The following PIGB variants were observed in gnomAD, a reference collection of about 807,000 sequenced individuals.
PIGB encodes GPI alpha-1,2-mannosyltransferase 3.
A neutral mutation model predicts 68.4 loss-of-function variants in PIGB; 58 were observed. The observed-to-expected ratio is 0.85, with a 90% confidence interval of 0.69 to 1.06. The LOEUF (loss-of-function observed/expected upper bound fraction) is 1.06, where lower values mean the gene tolerates loss of function less well. PIGB is among the 50% of genes least tolerant of loss of function. The probability of loss-of-function intolerance (pLI) is 0.00; values close to 1 mark genes in which losing one functional copy is unlikely to be tolerated. For synonymous variants in PIGB, 219 were observed against 220.5 expected (o/e 0.99, Z 0.06); for missense variants, 634 against 655.8 (o/e 0.97, Z 0.36).
At chr15:55,323,270 C>T (rs2055207188) in intron 3 of PIGB, among the ~76,000 whole-genome samples, 1 of 152,134 alleles carries the variant, frequency 6.6e-6, no homozygotes, top group South Asian at 2.1e-4. Flanking sequence ...AGCTAAATCC[C>T]AGGTCTATTT....
At chr15:55,322,924 C>T (rs2055199373) in intron 3 of PIGB, among the ~76,000 whole-genome samples, 1 of 152,098 alleles carries the variant, frequency 6.6e-6, no homozygotes, top group African/African-American at 2.4e-5. Context: ...CAGTTTATAT[C>T]CCAGGAAGTA....
At chr15:55,327,275 CAT>C (rs952298723) in intron 3 of PIGB, among the ~76,000 whole-genome samples, 5 of 147,184 alleles carry the variant, frequency 3.4e-5, no homozygotes, top group East Asian at 2.0e-4. Context: ...GTATATATGT[CAT>C]ATATACACAC....
At chr15:55,352,520 C>T (rs1566961017) in intron 10 of PIGB, among the ~76,000 whole-genome samples, 1 of 152,170 alleles carries the variant, frequency 6.6e-6, no homozygotes, top group Non-Finnish European at 1.5e-5. Context: ...GGCGTTGTGG[C>T]TCACGCCTGT....
intron 9 of PIGB, among the ~76,000 whole-genome samples, chr15:55,342,203 TG>T (rs1316634186): frequency 6.6e-6 from 1 of 152,204 alleles, no homozygotes; most frequent in African/African-American, 2.4e-5. Context: ...TATTTGGTGG[TG>T]GTGTTTCTCA....
intron 4 of PIGB, 91 bp from the exon 5 acceptor site, chr15:55,329,633 A>T: frequency 9.8e-7 from 1 of 1,025,492 alleles, no homozygotes; most frequent in Non-Finnish European, 1.4e-6. Flanking sequence ...CCTTTTCACA[A>T]TATTTAGACT....
chr15:55,334,153 T>C (rs2055484640), intron 6 of PIGB, 146 bp downstream of exon 6: 4 of 483,306 alleles, frequency 8.3e-6, no homozygotes, highest in Non-Finnish European at 1.4e-5. Context: ...ATGCAAAACT[T>C]ATATTTTTTA....
intron 6 of PIGB, among the ~76,000 whole-genome samples, chr15:55,335,706 G>C (rs372510926): frequency 6.6e-6 from 1 of 152,056 alleles, no homozygotes; most frequent in East Asian, 1.9e-4. Context: ...AGTTGAGAGA[G>C]TGAACCATGT....
At position 55,339,439 on chromosome 15, in the gene PIGB, C is replaced by A. The variant is rs2414408; in HGVS notation, c.846+121C>A. The A allele has an allele frequency of 1.0e-3, 647 of 628,632 alleles. 4 individuals carry two copies. In the African/African-American group the frequency reaches 0.011, roughly 10 times the overall value. The allele number at this position is 628,632 out of a possible 1,614,324, so 38.9% of individuals were successfully genotyped here. On this transcript the variant is annotated intron_variant, in intron 7 of 11. Transcript: ENST00000164305. ...CATTACAAAAGACTTCTAGGCATAT[C>A]CTAATAAGCCTTTGGTTCAATTTGT...
chr15:55,330,991 A>G (rs1031334297), intron 5 of PIGB, among the ~76,000 whole-genome samples: 1 of 152,238 alleles, frequency 6.6e-6, no homozygotes, highest in Non-Finnish European at 1.5e-5. Context: ...TATCTGAGCC[A>G]CACAAATGAA....
At chr15:55,320,685 A>G (rs2055143566) in intron 2 of PIGB, among the ~76,000 whole-genome samples, 1 of 152,238 alleles carries the variant, frequency 6.6e-6, no homozygotes, top group Non-Finnish European at 1.5e-5. Flanking sequence ...ACACAATACT[A>G]TAATAAAAGT....
intron 9 of PIGB, chr15:55,346,408 C>T (rs1305275174): frequency 6.6e-6 from 1 of 152,166 alleles, no homozygotes; most frequent in Non-Finnish European, 1.5e-5. Flanking sequence ...AATAGTGTGT[C>T]ATCCTCAAGT....
chr15:55,345,642 C>T lies in PIGB; in HGVS notation c.1123+3840C>T, dbSNP rs137929371. Among the ~76,000 whole-genome samples the T allele has an allele frequency of 6.1e-3, 926 of 152,276 alleles. 8 individuals are homozygous for T. Among genetic ancestry groups the T allele is most frequent in the African/African-American group, 0.021 (886 of 41,546 alleles). Reference sequence around the variant, plus strand: ...GGTGTGGTGGCACGCACCTGTAATGCCAGCTACTTGGGAGGCTGAGACAGG... The same window carrying T: ...GGTGTGGTGGCACGCACCTGTAATGTCAGCTACTTGGGAGGCTGAGACAGG... On this transcript the variant is annotated intron_variant, in intron 9 of 11. Transcript: ENST00000164305.
chr15:55,355,134 G>GT (rs2056046704), intron 11 of PIGB, 152 bp from the exon 12 acceptor site: 2 of 881,446 alleles, frequency 2.3e-6, no homozygotes, highest in South Asian at 1.7e-5. Flanking sequence ...CCCCAGTTCT[G>GT]TAACTATCAA....
rs1325136655 is a variant in PIGB at position 55,355,290 on chromosome 15, T to G, written c.1523T>G (p.Ile508Arg). The change falls in exon 12 of 12, where the codon ATA becomes AGA. Residue 508 changes from isoleucine to arginine, a missense_variant. Coordinates refer to ENST00000164305, the MANE Select transcript of PIGB (RefSeq NM_004855.5). ...LITFSILEEE[I>R]SAFLISSNYK... ...TAAACATTTATTTGCTTCTAGGAAA[T>G]AAGCGCTTTCCTAATTTCAAGCAAT... 2 of 1,604,592 alleles carry G rather than the reference T, an allele frequency of 1.2e-6. No individual in the cohort carries two copies. Among genetic ancestry groups the G allele is most frequent in the South Asian group, 2.2e-5 (2 of 89,720 alleles).
At chr15:55,341,868 A>C in intron 9 of PIGB, 66 bp downstream of exon 9, 2 of 606,682 alleles carry the variant, frequency 3.3e-6, no homozygotes, top group Non-Finnish European at 5.3e-6. Context: ...ACACATCCTC[A>C]TTAAACTATG....
chr15:55,354,655 T>G, intron 10 of PIGB, 143 bp from the exon 11 acceptor site: 1 of 635,068 alleles, frequency 1.6e-6, no homozygotes, highest in Non-Finnish European at 2.6e-6. Flanking sequence ...GAAAATGAGT[T>G]AAAGGCTTGC....
At position 55,321,312 on chromosome 15, in the gene PIGB, G is replaced by A. The variant is rs746475168; in HGVS notation, c.339G>A (p.Arg113=). ...YLTWEWTERL[R]SYTYPLIFAS... ...CTTGGGAATGGACAGAGAGACTGAG[G>A]AGTTACACTTATCCCTTAATCTTTG... Residue 113 remains arginine (R), a synonymous_variant, in exon 3 of 12, where the codon AGG becomes AGA. Transcript: ENST00000164305. The A allele has an allele frequency of 1.2e-6, 2 of 1,606,156 alleles. No homozygotes were observed. The highest frequency in any genetic ancestry group is 3.4e-5 in the Admixed American group (2 of 59,576).
chr15:55,325,837 A>G (rs2055270338), intron 3 of PIGB, among the ~76,000 whole-genome samples: 1 of 152,014 alleles, frequency 6.6e-6, no homozygotes, highest in African/African-American at 2.4e-5. Flanking sequence ...AATCGCTTGA[A>G]CCTGGGAGGC....
At chr15:55,324,998 T>C (rs1191307594) in intron 3 of PIGB, among the ~76,000 whole-genome samples, 4 of 152,166 alleles carry the variant, frequency 2.6e-5, no homozygotes, top group Admixed American at 2.6e-4. Flanking sequence ...AAGCAGCTCC[T>C]ATAATGTGGA....
Sources: allele counts gnomAD v4.1 joint callset (sites outside exome capture counted in the v4.1 genomes callset), GRCh38; gene constraint gnomAD v4.1.1; transcripts MANE v1.5; gene names NCBI Gene and HGNC (gene_info 2026-07-23, HGNC 2026-07-21).